MTHFD2L: variants seen among roughly 807,000 people sequenced by gnomAD.
MTHFD2L encodes methylenetetrahydrofolate dehydrogenase (NADP+ dependent) 2 like, also known as bifunctional methylenetetrahydrofolate dehydrogenase/cyclohydrolase 2, mitochondrial.
A neutral mutation model predicts 34.9 loss-of-function variants in MTHFD2L; 29 were observed. The observed-to-expected ratio is 0.83, with a 90% CI of 0.62 to 1.13. MTHFD2L has a LOEUF of 1.13. Among genes scored for constraint, MTHFD2L ranks in the 50% most tolerant of loss-of-function variants. MTHFD2L has a pLI of 0.00. For synonymous variants in MTHFD2L, 167 were observed against 155.7 expected (o/e 1.07, Z -0.54); for missense variants, 481 against 446.5 (o/e 1.08, Z -0.70).
intron 5 of MTHFD2L, among the ~76,000 whole-genome samples, chr4:74,212,134 G>A (rs138116663): frequency 8.3e-4 from 125 of 150,672 alleles, no homozygotes; most frequent in African/African-American, 2.9e-3. Flanking sequence ...AAAAAAAATA[G>A]CATTTTTTAA....
At chr4:74,247,498 C>A (rs982073694) in intron 6 of MTHFD2L, among the ~76,000 whole-genome samples, 1 of 152,058 alleles carries the variant, frequency 6.6e-6, no homozygotes, top group African/African-American at 2.4e-5. Flanking sequence ...TTGCCCTGGC[C>A]AGAACTTCCA....
chr4:74,204,727 C>T (rs1322080738), intron 5 of MTHFD2L, among the ~76,000 whole-genome samples: 1 of 151,788 alleles, frequency 6.6e-6, no homozygotes, highest in African/African-American at 2.4e-5. Context: ...ATTTATTTAC[C>T]TCTTTTATAT....
At chr4:74,125,126 A>G (rs182592254), upstream of MTHFD2L, among the ~76,000 whole-genome samples, 3 of 152,290 alleles carry the variant, frequency 2.0e-5, no homozygotes, top group East Asian at 5.8e-4. Context: ...TAATTAGAGA[A>G]GCACAAGAAA....
intron 1 of MTHFD2L, among the ~76,000 whole-genome samples, chr4:74,127,719 A>T (rs1285362987): frequency 6.6e-6 from 1 of 152,178 alleles, no homozygotes; most frequent in Admixed American, 6.6e-5. Context: ...ATGGGATTGC[A>T]GATACCTCTT....
At chr4:74,255,923 CTA>C (rs1714756500) in intron 6 of MTHFD2L, among the ~76,000 whole-genome samples, 1 of 152,094 alleles carries the variant, frequency 6.6e-6, no homozygotes, top group African/African-American at 2.4e-5. Context: ...TAGGTTGATG[CTA>C]TGTCTGCTAC....
chr4:74,122,719 G>T (rs946838462), upstream of MTHFD2L, among the ~76,000 whole-genome samples: 2 of 152,128 alleles, frequency 1.3e-5, no homozygotes, highest in Admixed American at 6.6e-5. Context: ...ACTTGAATCT[G>T]CATTGGATCC....
intron 6 of MTHFD2L, among the ~76,000 whole-genome samples, chr4:74,241,337 A>G (rs1416556667): frequency 6.6e-6 from 1 of 152,190 alleles, no homozygotes; most frequent in Non-Finnish European, 1.5e-5. Context: ...TTTTAACTGA[A>G]GCATGTTTTG....
At chr4:74,250,048 C>T (rs1211212503) in intron 6 of MTHFD2L, among the ~76,000 whole-genome samples, 1 of 152,026 alleles carries the variant, frequency 6.6e-6, no homozygotes, top group Non-Finnish European at 1.5e-5. Flanking sequence ...TGGGAAAGTT[C>T]TCCTGGATAA....
At chr4:74,291,042 G>A (rs571182108) in intron 7 of MTHFD2L, among the ~76,000 whole-genome samples, 2 of 31,800 alleles carry the variant, frequency 6.3e-5, no homozygotes, top group East Asian at 3.5e-3. Flanking sequence ...TTTTGAGATG[G>A]AGTCTTGCTC....
At chr4:74,157,012 AAC>A (rs2109872081), upstream of MTHFD2L, 1 of 152,220 alleles carries the variant, frequency 6.6e-6, no homozygotes, top group Non-Finnish European at 1.5e-5. Flanking sequence ...TTTCTTTATT[AAC>A]AGTGTCTTTT....
At chr4:74,290,841 C>A (rs1195094019) in intron 7 of MTHFD2L, among the ~76,000 whole-genome samples, 1 of 151,832 alleles carries the variant, frequency 6.6e-6, no homozygotes, top group African/African-American at 2.4e-5. Flanking sequence ...TTAAAGCACT[C>A]ATGCTTATTC....
chr4:74,231,211 C>T (rs1739998185), intron 6 of MTHFD2L, among the ~76,000 whole-genome samples: 1 of 152,108 alleles, frequency 6.6e-6, no homozygotes, highest in Admixed American at 6.6e-5. Flanking sequence ...CAACGAATTT[C>T]CTTTCACCAC....
At chr4:74,178,882 G>A (rs1729561646) in intron 3 of MTHFD2L, among the ~76,000 whole-genome samples, 1 of 152,008 alleles carries the variant, frequency 6.6e-6, no homozygotes, top group Admixed American at 6.6e-5. Flanking sequence ...GAGTTGCTAA[G>A]TAACTGAGTT....
At chr4:74,174,285 C>T (rs1290750982) in intron 1 of MTHFD2L, among the ~76,000 whole-genome samples, 1 of 151,962 alleles carries the variant, frequency 6.6e-6, no homozygotes, top group Non-Finnish European at 1.5e-5. Context: ...CATTTTATAG[C>T]AGATAGATTA....
chr4:74,127,576 G>C (rs1415049155), intron 1 of MTHFD2L, among the ~76,000 whole-genome samples: 2 of 152,124 alleles, frequency 1.3e-5, no homozygotes, highest in African/African-American at 4.8e-5. Context: ...CAAATGACAG[G>C]ATTGCATTAG....
intron 5 of MTHFD2L, among the ~76,000 whole-genome samples, chr4:74,203,224 T>C (rs1406570296): frequency 6.6e-6 from 1 of 150,708 alleles, no homozygotes. Flanking sequence ...TTTGAAGAGC[T>C]CTTAGCCCAA....
intron 1 of MTHFD2L, among the ~76,000 whole-genome samples, chr4:74,164,211 T>C (rs1726147493): frequency 6.6e-6 from 1 of 152,204 alleles, no homozygotes; most frequent in African/African-American, 2.4e-5. Flanking sequence ...AAATGGTTCA[T>C]TGCAGCTCTA....
upstream of MTHFD2L, among the ~76,000 whole-genome samples, chr4:74,122,944 A>T (rs894559747): frequency 6.6e-6 from 1 of 152,168 alleles, no homozygotes; most frequent in African/African-American, 2.4e-5. Flanking sequence ...AAAATTCTGG[A>T]ATTCTTTAGA....
intron 6 of MTHFD2L, among the ~76,000 whole-genome samples, chr4:74,230,514 C>T (rs561942400): frequency 6.0e-5 from 9 of 149,970 alleles, no homozygotes; most frequent in Admixed American, 5.3e-4. Flanking sequence ...CACTTGAACC[C>T]GGGAGGCGGA....
Sources: allele counts gnomAD v4.1 joint callset (sites outside exome capture counted in the v4.1 genomes callset), GRCh38; gene constraint gnomAD v4.1.1; transcripts MANE v1.5; gene names NCBI Gene and HGNC (gene_info 2026-07-23, HGNC 2026-07-21).